TRIP12: variants seen among roughly 807,000 people sequenced by gnomAD.
TRIP12 encodes E3 ubiquitin-protein ligase TRIP12.
Under a neutral mutation model 244.2 loss-of-function variants are expected in TRIP12, and 25 were observed. The observed-to-expected ratio is 0.10, with a 90% confidence interval of 0.07 to 0.14. The LOEUF (loss-of-function observed/expected upper bound fraction) is 0.14, where lower values mean the gene tolerates loss of function less well. Among genes scored for constraint, TRIP12 ranks in the 10% least tolerant of loss-of-function variants. The pLI, the probability that TRIP12 is intolerant of heterozygous loss-of-function variation, is 1.00. For missense variants in TRIP12, 1,677 were observed against 2,486.4 expected (o/e 0.67, Z 6.92); for synonymous variants, 905 against 873.1 (o/e 1.04, Z -0.64).
chr2:229,795,416 A>C, intron 25 of TRIP12, 86 bp from the exon 26 acceptor site: 1 of 1,424,176 alleles, frequency 7.0e-7, no homozygotes, highest in South Asian at 1.4e-5. Context: ...AAGCAGCTTT[A>C]TAAAAGAGAA....
At chr2:229,883,395 T>C (rs1326766063) in intron 1 of TRIP12, among the ~76,000 whole-genome samples, 1 of 152,240 alleles carries the variant, frequency 6.6e-6, no homozygotes, top group Non-Finnish European at 1.5e-5. Flanking sequence ...CTACCATATA[T>C]TACTTAATTT....
At chr2:229,922,597 C>A, upstream of TRIP12, 1 of 1,614,026 alleles carries the variant, frequency 6.2e-7, no homozygotes, top group South Asian at 1.1e-5. Context: ...AGTTACTGGT[C>A]ACCCGGTCTC....
intron 15 of TRIP12, among the ~76,000 whole-genome samples, chr2:229,809,573 G>A (rs1416679939): frequency 1.3e-5 from 2 of 152,184 alleles, no homozygotes; most frequent in Non-Finnish European, 2.9e-5. Context: ...TCTCTTACAT[G>A]ATTCAGGAAA....
rs376669940 is a variant in TRIP12, at chr2:229,774,225, T to C, written c.5566A>G (p.Thr1856Ala). The C allele has an allele frequency of 1.2e-5, 20 of 1,614,032 alleles. No individual in the cohort carries two copies. Among genetic ancestry groups the C allele is most frequent in the Non-Finnish European group, 1.7e-5 (20 of 1,180,026 alleles). ...ESLQYALETL[T>A]MNGCSVEDLG... ...TCTTCAACTGAGCAGCCATTCATAG[T>C]CAAGGTTTCTAATGCATACTGTAGA... is the stretch of plus-strand genomic sequence containing the variant. The change falls in exon 38 of 42, where the codon ACT becomes GCT. Residue 1856 changes from threonine (T) to alanine (A), a missense_variant. By Grantham distance (58) the Thr-to-Ala change is moderately conservative (BLOSUM62 0). Around this residue, in one of 11 missense-constraint regions of TRIP12, gnomAD observed 171 missense variants for 388.4 expected, o/e 0.44. Coordinates refer to ENST00000675903, the MANE Select transcript of TRIP12 (RefSeq NM_001348323.3).
chr2:229,823,488 C>T (rs2050642815), intron 8 of TRIP12, among the ~76,000 whole-genome samples: 1 of 151,770 alleles, frequency 6.6e-6, no homozygotes, highest in African/African-American at 2.4e-5. Context: ...TCCTGGCTAA[C>T]ACGGTGAAAC....
Position 229,765,147 on chromosome 2 carries a change from A to G in TRIP12, c.*2407T>C, listed in dbSNP as rs773693855. On this transcript the variant is annotated 3_prime_UTR_variant, in exon 42 of 42. Transcript: ENST00000675903. ...AAGCAGATCGAATCAGTAACTGTCT[A>G]AATGACAACACAAATTCGGTGTTAG... is the stretch of plus-strand genomic sequence containing the variant. 3.9e-5 allele frequency: 6 copies of G among 152,204 alleles called. No homozygotes were observed. Among genetic ancestry groups the G allele is most frequent in the African/African-American group, 7.2e-5 (3 of 41,454 alleles). 9.4% of individuals were successfully genotyped at this position (152,204 alleles called of 1,614,324 possible). A position where few individuals can be genotyped will look rare whatever the true frequency, so the allele number is the denominator to read the frequency against.
chr2:229,809,586 T>C (rs372887821), intron 15 of TRIP12, among the ~76,000 whole-genome samples: 17 of 152,246 alleles, frequency 1.1e-4, no homozygotes, highest in African/African-American at 3.9e-4. Context: ...TCAGGAAATG[T>C]TGGGATAAGC....
chr2:229,833,313 G>T (rs554095060), intron 6 of TRIP12, among the ~76,000 whole-genome samples: 1 of 152,072 alleles, frequency 6.6e-6, no homozygotes, highest in Non-Finnish European at 1.5e-5. Context: ...TTGAGACAGG[G>T]TCTTGCTCTC....
chr2:229,768,961 T>C (rs1304180668), intron 40 of TRIP12, among the ~76,000 whole-genome samples: 1 of 152,248 alleles, frequency 6.6e-6, no homozygotes, highest in Non-Finnish European at 1.5e-5. Context: ...CTTTACTATA[T>C]GTAATAATGG....
chr2:229,853,464 A>G (rs926665829), intron 4 of TRIP12, among the ~76,000 whole-genome samples: 1 of 152,184 alleles, frequency 6.6e-6, no homozygotes, highest in Non-Finnish European at 1.5e-5. Flanking sequence ...GTTCGAGACC[A>G]GCCTGGCCAA....
upstream of TRIP12, among the ~76,000 whole-genome samples, chr2:229,922,926 C>G (rs949954691): frequency 6.6e-6 from 1 of 152,194 alleles, no homozygotes; most frequent in Non-Finnish European, 1.5e-5. Flanking sequence ...GCGTCTCCGG[C>G]TTGCGTGCGG....
chr2:229,868,374 T>C (rs935503103), intron 2 of TRIP12, among the ~76,000 whole-genome samples: 4 of 152,124 alleles, frequency 2.6e-5, no homozygotes, highest in Admixed American at 2.6e-4. Context: ...GCTAATTTAC[T>C]GTATTTTTAG....
chr2:229,785,716 A>C (rs1313811213), intron 34 of TRIP12, 41 bp downstream of exon 34: 4 of 1,562,276 alleles, frequency 2.6e-6, no homozygotes, highest in Non-Finnish European at 3.5e-6. Context: ...AATTAAGAGC[A>C]CAAGTCAAGC....
chr2:229,782,370 C>T (rs2038503601), intron 34 of TRIP12, among the ~76,000 whole-genome samples: 1 of 152,106 alleles, frequency 6.6e-6, no homozygotes, highest in Non-Finnish European at 1.5e-5. Context: ...GCTCAGGCCC[C>T]ATCTCCTACT....
intron 1 of TRIP12, among the ~76,000 whole-genome samples, chr2:229,890,407 G>A (rs2067058616): frequency 6.6e-6 from 1 of 152,072 alleles, no homozygotes; most frequent in African/African-American, 2.4e-5. Flanking sequence ...GCCTACAGAG[G>A]TTAACTCTTT....
At chr2:229,872,705 C>A (rs1021828041) in intron 2 of TRIP12, among the ~76,000 whole-genome samples, 2 of 152,212 alleles carry the variant, frequency 1.3e-5, no homozygotes, top group African/African-American at 4.8e-5. Flanking sequence ...TGTCCTCTTA[C>A]TCTAAAATCT....
intron 1 of TRIP12, among the ~76,000 whole-genome samples, chr2:229,903,095 C>T (rs1304564628): frequency 6.7e-6 from 1 of 148,384 alleles, no homozygotes; most frequent in African/African-American, 2.5e-5. Flanking sequence ...GCTAGGCATC[C>T]TCTAGGAATA....
In TRIP12 at chr2:229,777,490, A is replaced by G. The variant is rs1409847836; in HGVS notation, c.5365-11T>C. 20 of 1,613,256 alleles carry G rather than the reference A, an allele frequency of 1.2e-5. No individual in the cohort carries two copies. Among genetic ancestry groups the G allele is most frequent in the Non-Finnish European group, 1.6e-5 (19 of 1,179,388 alleles). On this transcript the variant is annotated splice_polypyrimidine_tract_variant and intron_variant, in intron 36 of 41. Coordinates refer to ENST00000675903, the MANE Select transcript of TRIP12 (RefSeq NM_001348323.3). ...AAGGGGAAGGTCCACCTGAAATGGA[A>G]TATGCATAATATTTTCACTGTCACA...
rs757570785 is a variant in TRIP12 at position 229,767,514 on chromosome 2, C to A, written c.*40G>T. 7.1e-5 allele frequency: 109 copies of A among 1,541,648 alleles called. No homozygotes were observed. Among genetic ancestry groups the A allele is most frequent in the Middle Eastern group, 3.5e-4 (2 of 5,768 alleles). ...TTAGAAAAGAAATCATGATTTGTTTCTTTTGCTGTAACAGGCAGACACTGC... is the reference window on the plus strand; with the variant it reads ...TTAGAAAAGAAATCATGATTTGTTTATTTTGCTGTAACAGGCAGACACTGC... On this transcript the variant is annotated 3_prime_UTR_variant, in exon 42 of 42. Coordinates refer to ENST00000675903, the MANE Select transcript of TRIP12 (RefSeq NM_001348323.3).
Sources: allele counts gnomAD v4.1 joint callset (sites outside exome capture counted in the v4.1 genomes callset), GRCh38; gene constraint gnomAD v4.1.1; regional missense constraint gnomAD v4.1.1; transcripts MANE v1.5; gene names NCBI Gene and HGNC (gene_info 2026-07-23, HGNC 2026-07-21).